KLF15: variants seen among roughly 807,000 people sequenced by gnomAD.
KLF15 encodes the protein Krueppel-like factor 15.
KLF15 carries 4 observed loss-of-function variants against 24.6 expected under a neutral mutation model. The ratio of observed to expected loss-of-function variants is 0.16; its 90% CI spans 0.08 to 0.37. The LOEUF (loss-of-function observed/expected upper bound fraction) is 0.37. KLF15 is among the 10% of genes least tolerant of loss of function. The pLI, the probability that KLF15 is intolerant of heterozygous loss-of-function variation, is 1.00. For synonymous variants in KLF15, 246 were observed against 236.3 expected, an observed-to-expected ratio of 1.04 and a Z score of -0.37; for missense variants, 496 against 560.6, an observed-to-expected ratio of 0.88 and a Z score of 1.16.
intron 2 of KLF15, among the ~76,000 whole-genome samples, chr3:126,345,009 C>A (rs1375363832): frequency 6.6e-6 from 1 of 152,092 alleles, no homozygotes; most frequent in African/African-American, 2.4e-5. Context: ...CCACGACACA[C>A]TATCCCGCTC....
intron 2 of KLF15, among the ~76,000 whole-genome samples, chr3:126,350,734 C>T (rs2082575709): frequency 6.6e-6 from 1 of 152,236 alleles, no homozygotes; most frequent in Non-Finnish European, 1.5e-5. Context: ...CATATGGTCA[C>T]ACGGCACAGA....
chr3:126,313,905 A>G, the KLF15 span, among the ~76,000 whole-genome samples: 2 of 152,234 alleles, frequency 1.3e-5, no homozygotes, highest in Non-Finnish European at 2.9e-5. Flanking sequence ...AGAACTCAGC[A>G]AACTGCAAAC....
the KLF15 span, among the ~76,000 whole-genome samples, chr3:126,316,900 A>G: frequency 7.0e-3 from 1,061 of 152,270 alleles, 18 homozygotes; most frequent in African/African-American, 0.024. Flanking sequence ...GGAAGGCATG[A>G]GAACATGTGC....
the KLF15 span, among the ~76,000 whole-genome samples, chr3:126,301,210 G>A: frequency 2.6e-5 from 4 of 152,180 alleles, no homozygotes; most frequent in African/African-American, 9.7e-5. Context: ...AGGGCTTTCT[G>A]TGTAGCCGCC....
downstream of KLF15, among the ~76,000 whole-genome samples, chr3:126,340,826 G>C (rs2082474622): frequency 6.6e-6 from 1 of 152,230 alleles, no homozygotes; most frequent in African/African-American, 2.4e-5. Flanking sequence ...CTCTGAGGCA[G>C]GAGCCAGGCC....
chr3:126,323,406 TATATATATA>T, the KLF15 span, among the ~76,000 whole-genome samples: 1 of 22,132 alleles, frequency 4.5e-5, no homozygotes, highest in South Asian at 2.4e-3. Context: ...CCAGTAGTTA[TATATATATA>T]TATATATATA....
At chr3:126,294,369 C>T in the KLF15 span, among the ~76,000 whole-genome samples, 1 of 152,186 alleles carries the variant, frequency 6.6e-6, no homozygotes, top group African/African-American at 2.4e-5. Context: ...TCTCTGTCTG[C>T]TAATTTTACT....
chr3:126,292,457 C>T, the KLF15 span, among the ~76,000 whole-genome samples: 3 of 152,226 alleles, frequency 2.0e-5, no homozygotes, highest in Non-Finnish European at 2.9e-5. Context: ...GTGGCTAATT[C>T]ACTAAGTAAT....
the KLF15 span, among the ~76,000 whole-genome samples, chr3:126,296,963 C>T: frequency 6.6e-6 from 1 of 152,154 alleles, no homozygotes; most frequent in South Asian, 2.1e-4. Flanking sequence ...TTTTTAGATG[C>T]AGGGTCTTGT....
the KLF15 span, among the ~76,000 whole-genome samples, chr3:126,333,674 C>A: frequency 8.1e-5 from 12 of 149,026 alleles, no homozygotes; most frequent in Admixed American, 4.7e-4. Flanking sequence ...ATTAAGGAAA[C>A]CCATCTCACG....
At chr3:126,314,113 T>C in the KLF15 span, among the ~76,000 whole-genome samples, 298 of 152,284 alleles carry the variant, frequency 2.0e-3, 2 homozygotes, top group African/African-American at 6.9e-3. Flanking sequence ...GGTCTCAGGC[T>C]GTGTCACTCC....
At chr3:126,308,734 A>G in the KLF15 span, among the ~76,000 whole-genome samples, 3,796 of 152,286 alleles carry the variant, frequency 0.025, 145 homozygotes, top group African/African-American at 0.085. Context: ...ATGATGAGGA[A>G]GCTCTGGGAC....
At chr3:126,336,549 G>A in the KLF15 span, among the ~76,000 whole-genome samples, 1 of 76,870 alleles carries the variant, frequency 1.3e-5, no homozygotes, top group South Asian at 4.8e-4. Context: ...AAAAAGCAAT[G>A]GCAACAAAAG....
chr3:126,292,415 C>T, the KLF15 span, among the ~76,000 whole-genome samples: 1 of 152,188 alleles, frequency 6.6e-6, no homozygotes, highest in African/African-American at 2.4e-5. Context: ...CCTGCTGCTC[C>T]CCACGGGAGG....
chr3:126,313,093 T>C, the KLF15 span, among the ~76,000 whole-genome samples: 1 of 152,034 alleles, frequency 6.6e-6, no homozygotes, highest in Admixed American at 6.5e-5. Flanking sequence ...AAAGTGAAAA[T>C]GAGGCCTTTA....
At chr3:126,331,386 T>C in the KLF15 span, among the ~76,000 whole-genome samples, 1 of 152,200 alleles carries the variant, frequency 6.6e-6, no homozygotes, top group Non-Finnish European at 1.5e-5. Context: ...GGTTTATTGC[T>C]TGATATGCAA....
At chr3:126,289,526 C>T in the KLF15 span, among the ~76,000 whole-genome samples, 5 of 152,134 alleles carry the variant, frequency 3.3e-5, no homozygotes, top group South Asian at 2.1e-4. Flanking sequence ...ACAAAGTAAC[C>T]GGCCCCTAAA....
the KLF15 span, among the ~76,000 whole-genome samples, chr3:126,331,724 GGA>G: frequency 1.3e-5 from 2 of 152,218 alleles, no homozygotes; most frequent in Non-Finnish European, 2.9e-5. Context: ...ATCTCACTAG[GGA>G]GTGCCAGACA....
chr3:126,321,954 A>G, the KLF15 span, among the ~76,000 whole-genome samples: 12 of 152,310 alleles, frequency 7.9e-5, no homozygotes, highest in East Asian at 2.3e-3. Flanking sequence ...AAATGCAGGC[A>G]AGTGACAGCC....
Sources: allele counts gnomAD v4.1 joint callset (sites outside exome capture counted in the v4.1 genomes callset), GRCh38; gene constraint gnomAD v4.1.1; transcripts MANE v1.5; gene names NCBI Gene and HGNC (gene_info 2026-07-23, HGNC 2026-07-21).